Variants in SRGAP2 observed in about 807,000 individuals in gnomAD.
SRGAP2 encodes SLIT-ROBO Rho GTPase-activating protein 2.
In SRGAP2, 15 loss-of-function variants were observed where a neutral mutation model predicts 57.2. That is an observed-to-expected ratio of 0.26 (90% confidence interval 0.18 to 0.40). The LOEUF (loss-of-function observed/expected upper bound fraction) is 0.40. SRGAP2 is among the 10% of genes least tolerant of loss of function. The pLI is 1.00. For missense variants in SRGAP2, 520 were observed against 669.6 expected, an observed-to-expected ratio of 0.78 and a Z score of 2.47; for synonymous variants, 249 against 248.0, an observed-to-expected ratio of 1.00 and a Z score of -0.04.
At chr1:206,374,265 T>C (rs9429935) in intron 4 of SRGAP2, among the ~76,000 whole-genome samples, 4 of 151,360 alleles carry the variant, frequency 2.6e-5, no homozygotes, top group African/African-American at 7.4e-5. Flanking sequence ...ATCCGCCCGC[T>C]TCGGCCTCCC....
At chr1:206,429,077 A>G (rs1553367378) in intron 13 of SRGAP2, among the ~76,000 whole-genome samples, 2 of 152,200 alleles carry the variant, frequency 1.3e-5, no homozygotes, top group East Asian at 3.8e-4. Context: ...AATGGTAGGC[A>G]CTAATGTTCA....
chr1:206,355,856 A>G (rs539554192), intron 4 of SRGAP2, among the ~76,000 whole-genome samples: 1,616 of 152,214 alleles, frequency 0.011, 26 homozygotes, highest in African/African-American at 0.037. Context: ...AATCTCAGCT[A>G]CTCAGGAGGC....
intron 3 of SRGAP2, among the ~76,000 whole-genome samples, chr1:206,341,405 T>C (rs1455321743): frequency 5.5e-4 from 84 of 152,224 alleles, no homozygotes; most frequent in Middle Eastern, 6.8e-3. Context: ...AATTGCCACT[T>C]TTTAGCTATA....
At chr1:206,438,770 T>C (rs782644800) in intron 16 of SRGAP2, among the ~76,000 whole-genome samples, 8 of 152,212 alleles carry the variant, frequency 5.3e-5, no homozygotes, top group Non-Finnish European at 1.0e-4. Flanking sequence ...GCAGGCCCTG[T>C]CTGACTGATG....
intron 10 of SRGAP2, among the ~76,000 whole-genome samples, chr1:206,412,645 T>G (rs897422504): frequency 3.9e-5 from 6 of 152,192 alleles, no homozygotes; most frequent in Admixed American, 2.6e-4. Context: ...CTGGCCCCCG[T>G]GATCTCCAGA....
In SRGAP2 at chr1:206,446,002, G is replaced by T. The variant is rs879972440; in HGVS notation, c.1875-73G>T. On this transcript the variant is annotated intron_variant, in intron 17 of 22. Coordinates refer to ENST00000573034, the MANE Select transcript of SRGAP2 (RefSeq NM_015326.5). ...ACCTTCTGCTTTTGCTCTTGGCAGCGCCTCCTGTGATTGTGTTTTCTGGGC... is the reference window on the plus strand; with the variant it reads ...ACCTTCTGCTTTTGCTCTTGGCAGCTCCTCCTGTGATTGTGTTTTCTGGGC... 9.4e-6 allele frequency: 7 copies of T among 746,696 alleles called. No homozygotes were observed. The South Asian group carries it at 9.8e-5, about 10-fold the overall frequency. The allele number at this position is 746,696 out of a possible 1,614,324, so 46.3% of individuals were successfully genotyped here.
chr1:206,318,595 G>A (rs1673220130), intron 3 of SRGAP2, among the ~76,000 whole-genome samples: 1 of 152,234 alleles, frequency 6.6e-6, no homozygotes, highest in South Asian at 2.1e-4. Flanking sequence ...AAGAAAAAAG[G>A]TTTGATTGGC....
intron 3 of SRGAP2, among the ~76,000 whole-genome samples, chr1:206,305,524 C>G (rs1306696216): frequency 6.6e-6 from 1 of 152,260 alleles, no homozygotes; most frequent in African/African-American, 2.4e-5. Flanking sequence ...ATTCTTACAG[C>G]ATTTTATTTG....
chr1:206,453,326 G>A lies in SRGAP2; in HGVS notation c.2306G>A (p.Arg769Gln), dbSNP rs782363098. ...QRASDDWWEG[R>Q]HNGIDGLIPH... ...GCTTCCGACGACTGGTGGGAAGGCC[G>A]GCACAATGGCATCGACGGACTCATC... The change falls in exon 20 of 23, where the codon CGG becomes CAG. Residue 769 changes from arginine to glutamine, a missense_variant. By Grantham distance (43) the Arg-to-Gln change is conservative. This residue lies in a region of SRGAP2 where 478 missense variants were observed against 373.6 expected (regional missense o/e 1.28). Coordinates refer to ENST00000573034, the MANE Select transcript of SRGAP2 (RefSeq NM_015326.5). 16 of 754,728 alleles carry A rather than the reference G, an allele frequency of 2.1e-5. No homozygotes were observed. The highest frequency in any genetic ancestry group is 8.9e-5 in the Admixed American group (5 of 56,350). The allele number at this position is 754,728 out of a possible 1,614,324, so 46.8% of individuals were successfully genotyped here.
intron 2 of SRGAP2, among the ~76,000 whole-genome samples, chr1:206,226,359 C>T (rs1309751512): frequency 3.9e-5 from 6 of 152,258 alleles, no homozygotes; most frequent in African/African-American, 1.4e-4. Context: ...AGTTATTACT[C>T]TCCTCCTTTT....
chr1:206,415,067 G>A (rs1025170728), intron 10 of SRGAP2, among the ~76,000 whole-genome samples: 12 of 152,118 alleles, frequency 7.9e-5, no homozygotes, highest in African/African-American at 2.9e-4. Context: ...TTAAACTCTC[G>A]AAACCTCAGT....
Position 206,443,923 on chromosome 1 carries a change from C to G in SRGAP2, c.1875-2152C>G, listed in dbSNP as rs192244878. 3.8e-3 allele frequency among the ~76,000 whole-genome samples: 575 copies of G among 152,264 alleles called. 2 individuals carry two copies. Among genetic ancestry groups the G allele is most frequent in the Non-Finnish European group, 5.9e-3 (403 of 68,012 alleles). ...CACTGCTTTAGGACAGGCGCAGTAGCTCACACCTGTAATCCCAGCACGTTG... is the reference window on the plus strand; with the variant it reads ...CACTGCTTTAGGACAGGCGCAGTAGGTCACACCTGTAATCCCAGCACGTTG... On this transcript the variant is annotated intron_variant, in intron 17 of 22. Transcript: ENST00000573034.
At chr1:206,307,407 CG>C (rs1299410823) in intron 3 of SRGAP2, among the ~76,000 whole-genome samples, 1 of 151,712 alleles carries the variant, frequency 6.6e-6, no homozygotes, top group Non-Finnish European at 1.5e-5. Flanking sequence ...GATCCCGCAC[CG>C]GGGCTGCAGG....
chr1:206,416,555 A>G (rs1173401830), intron 11 of SRGAP2, among the ~76,000 whole-genome samples: 9 of 152,178 alleles, frequency 5.9e-5, no homozygotes, highest in Admixed American at 3.9e-4. Context: ...GTCTTGTCTC[A>G]TAGAATGATT....
intron 3 of SRGAP2, among the ~76,000 whole-genome samples, chr1:206,309,088 T>C (rs1672429152): frequency 7.1e-6 from 1 of 140,188 alleles, no homozygotes; most frequent in African/African-American, 2.8e-5. Flanking sequence ...ATCGCTTCAC[T>C]CCAGGAGTTG....
Position 206,450,442 on chromosome 1 carries a change from C to G in SRGAP2, c.2156C>G (p.Ala719Gly), listed in dbSNP as rs1553375465. The G allele has an allele frequency of 1.3e-6, 1 of 780,842 alleles. No homozygotes were observed. The highest frequency in any genetic ancestry group is 2.4e-6 in the Non-Finnish European group (1 of 417,958). 48.4% of individuals were successfully genotyped at this position (780,842 alleles called of 1,614,324 possible). ...GAAGACTCAACCCAGGATGTGACCG[C>G]AGAGCACCACACGAGCGATGACGGT... ...SVEDSTQDVTAEHHTSDDECE... is the reference protein window; with the variant it reads ...SVEDSTQDVTGEHHTSDDECE... Residue 719 changes from alanine to glycine, a missense_variant, in exon 19 of 23, where the codon GCA becomes GGA. Around this residue, in one of 5 missense-constraint regions of SRGAP2, gnomAD observed 478 missense variants for 373.6 expected, o/e 1.28. Transcript: ENST00000573034.
At chr1:206,448,143 C>A (rs756121876) in intron 18 of SRGAP2, among the ~76,000 whole-genome samples, 1 of 152,052 alleles carries the variant, frequency 6.6e-6, no homozygotes, top group African/African-American at 2.4e-5. Flanking sequence ...GTGCCAGCCC[C>A]GGGAGCTAAG....
chr1:206,240,409 T>A (rs1442066352), intron 2 of SRGAP2, among the ~76,000 whole-genome samples: 2 of 152,184 alleles, frequency 1.3e-5, no homozygotes, highest in African/African-American at 4.8e-5. Flanking sequence ...GTAAATGTGC[T>A]GTACTCGTCA....
chr1:206,374,312 G>T (rs1348153391), intron 4 of SRGAP2, among the ~76,000 whole-genome samples: 1 of 149,884 alleles, frequency 6.7e-6, no homozygotes, highest in Non-Finnish European at 1.5e-5. Context: ...CACCGCGCCC[G>T]GCCAGATACA....
Sources: allele counts gnomAD v4.1 joint callset (sites outside exome capture counted in the v4.1 genomes callset), GRCh38; gene constraint gnomAD v4.1.1; regional missense constraint gnomAD v4.1.1; transcripts MANE v1.5; gene names NCBI Gene and HGNC (gene_info 2026-07-23, HGNC 2026-07-21).